CMIP: variants seen among roughly 807,000 people sequenced by gnomAD.
CMIP encodes the protein c-Maf inducing protein.
A neutral mutation model predicts 97.3 loss-of-function variants in CMIP; 13 were observed. The ratio of observed to expected loss-of-function variants is 0.13; its 90% CI spans 0.09 to 0.21. The LOEUF is 0.21. Ranked by LOEUF, CMIP falls within the 10% of genes least tolerant of loss-of-function variation. The pLI is 1.00. For synonymous variants in CMIP, 538 were observed against 436.3 expected, an observed-to-expected ratio of 1.23 and a Z score of -2.91; for missense variants, 847 against 1,024.9, an observed-to-expected ratio of 0.83 and a Z score of 2.37.
intron 14 of CMIP, chr16:81,697,789 C>T (rs1360877723): frequency 2.6e-5 from 4 of 152,286 alleles, no homozygotes; most frequent in African/African-American, 7.2e-5. Flanking sequence ...CCCCTGGGAG[C>T]TTCTTGAAAA....
At chr16:81,471,446 G>T (rs146570878) in intron 1 of CMIP, among the ~76,000 whole-genome samples, 1 of 152,054 alleles carries the variant, frequency 6.6e-6, no homozygotes, top group African/African-American at 2.4e-5. Flanking sequence ...ATTTGTACAT[G>T]CATATGTACA....
chr16:81,484,396 A>G (rs1055188911), intron 1 of CMIP, among the ~76,000 whole-genome samples: 2 of 152,206 alleles, frequency 1.3e-5, no homozygotes, highest in East Asian at 3.9e-4. Flanking sequence ...TGTGGCTGCC[A>G]TGGCAACCCG....
intron 10 of CMIP, among the ~76,000 whole-genome samples, chr16:81,679,027 G>A (rs1418592018): frequency 2.0e-5 from 3 of 152,096 alleles, no homozygotes; most frequent in Non-Finnish European, 4.4e-5. Context: ...TGAGGATCTG[G>A]ATACATCTGC....
intron 1 of CMIP, among the ~76,000 whole-genome samples, chr16:81,576,326 C>A (rs2091188035): frequency 6.6e-6 from 1 of 152,114 alleles, no homozygotes; most frequent in South Asian, 2.1e-4. Context: ...ATCGCTTGAA[C>A]CCGGGAGGCA....
At position 81,705,615 on chromosome 16, in the gene CMIP, C is replaced by G. The variant is rs768353939; in HGVS notation, c.2197+11C>G. On this transcript the variant is annotated intron_variant, in intron 19 of 20. Coordinates refer to ENST00000537098, the MANE Select transcript of CMIP (RefSeq NM_198390.3). The stretch of plus-strand genomic sequence containing the variant: ...TGCTGGCCCTGAGCTGTGAGTGCCT[C>G]CGGGGCAGCTGGGGGGTGAGGGGCC... 5 of 1,568,086 alleles carry G rather than the reference C, an allele frequency of 3.2e-6. No individual in the cohort carries two copies. The Admixed American group carries it at 7.1e-5, about 22-fold the overall frequency.
At chr16:81,662,139 G>A (rs1432502373) in intron 6 of CMIP, among the ~76,000 whole-genome samples, 1 of 150,778 alleles carries the variant, frequency 6.6e-6, no homozygotes, top group Admixed American at 6.6e-5. Context: ...TGAGAGAACG[G>A]CCAGCTGCTC....
intron 3 of CMIP, among the ~76,000 whole-genome samples, chr16:81,642,303 T>A (rs918701392): frequency 1.3e-5 from 2 of 152,178 alleles, no homozygotes; most frequent in African/African-American, 4.8e-5. Context: ...TCTGTATCAT[T>A]TCCCCCACTC....
At chr16:81,661,459 C>T (rs943186741) in intron 6 of CMIP, among the ~76,000 whole-genome samples, 4 of 152,258 alleles carry the variant, frequency 2.6e-5, no homozygotes, top group Non-Finnish European at 2.9e-5. Context: ...CAGGCCGAAC[C>T]ATCACACAAA....
At chr16:81,669,729 ACCT>A (rs1348391736) in intron 7 of CMIP, among the ~76,000 whole-genome samples, 1 of 98,602 alleles carries the variant, frequency 1.0e-5, no homozygotes, top group Non-Finnish European at 2.1e-5. Flanking sequence ...CCTCACACTC[ACCT>A]CCTTCCACAC....
Position 81,627,462 on chromosome 16 carries a change from G to A in CMIP, c.477+6536G>A, listed in dbSNP as rs982932777. Reference sequence around the variant, plus strand: ...ATCATCAGTGTCTCCAAGTGGGTCCGACATGGTGGGAGCAGCTGGCTCGGC... The same window carrying A: ...ATCATCAGTGTCTCCAAGTGGGTCCAACATGGTGGGAGCAGCTGGCTCGGC... On this transcript the variant is annotated intron_variant, in intron 3 of 20. Coordinates refer to ENST00000537098, the MANE Select transcript of CMIP (RefSeq NM_198390.3). The surrounding 1 kb of genome is among the most constrained non-coding windows in gnomAD (Gnocchi z 4.6). Among the ~76,000 whole-genome samples, 4 of 151,244 alleles carry A rather than the reference G, an allele frequency of 2.6e-5. No homozygotes were observed. Among genetic ancestry groups the A allele is most frequent in the African/African-American group, 4.8e-5 (2 of 41,264 alleles).
At chr16:81,519,925 A>G (rs1476221162) in intron 1 of CMIP, 1 of 152,168 alleles carries the variant, frequency 6.6e-6, no homozygotes, top group East Asian at 1.9e-4. Flanking sequence ...ATTTGGGGAC[A>G]AAAGCTGGCA....
intron 1 of CMIP, among the ~76,000 whole-genome samples, chr16:81,574,841 C>CT (rs1336364233): frequency 3.9e-5 from 6 of 152,218 alleles, no homozygotes; most frequent in Non-Finnish European, 5.9e-5. Flanking sequence ...GCAGACCACA[C>CT]TGCAAGATCA....
At chr16:81,573,928 C>G (rs1257913925) in intron 1 of CMIP, among the ~76,000 whole-genome samples, 4 of 152,130 alleles carry the variant, frequency 2.6e-5, no homozygotes, top group Non-Finnish European at 5.9e-5. Flanking sequence ...TTCGTTTCAC[C>G]TACCCTCCAT....
rs16955435 is a variant in CMIP, at chr16:81,486,360, A to G, written c.300+40819A>G. On this transcript the variant is annotated intron_variant, in intron 1 of 20. Transcript: ENST00000537098. Reference sequence around the variant, plus strand: ...CTCAGAGCAGCCCTGGGAGGTAGATATGATCGCGCCCATTTGACAGATGTG... The same window carrying G: ...CTCAGAGCAGCCCTGGGAGGTAGATGTGATCGCGCCCATTTGACAGATGTG... Among the ~76,000 whole-genome samples, 519 of 152,312 alleles carry G rather than the reference A, an allele frequency of 3.4e-3. 2 individuals carry two copies. Among genetic ancestry groups the G allele is most frequent in the African/African-American group, 0.012 (498 of 41,550 alleles).
intron 1 of CMIP, among the ~76,000 whole-genome samples, chr16:81,535,765 C>T (rs1236063024): frequency 6.6e-6 from 1 of 152,094 alleles, no homozygotes; most frequent in African/African-American, 2.4e-5. Flanking sequence ...ACCCACCTTC[C>T]CCTCCCACCA....
intron 1 of CMIP, among the ~76,000 whole-genome samples, chr16:81,445,924 G>A (rs971067772): frequency 2.0e-5 from 3 of 151,506 alleles, no homozygotes; most frequent in African/African-American, 7.3e-5. Context: ...CTGGATCTGA[G>A]GGGTGGGGGA....
intron 1 of CMIP, among the ~76,000 whole-genome samples, chr16:81,599,250 ATT>A (rs2091617723): frequency 6.6e-6 from 1 of 152,036 alleles, no homozygotes; most frequent in Non-Finnish European, 1.5e-5. Context: ...GAGAGGTCAT[ATT>A]ACCTGAGGGA....
chr16:81,461,038 G>T (rs1249699702), intron 1 of CMIP, among the ~76,000 whole-genome samples: 1 of 152,244 alleles, frequency 6.6e-6, no homozygotes. Flanking sequence ...CCAGGTTTGA[G>T]CCCAGATGCG....
At chr16:81,591,416 C>T (rs142014933) in intron 1 of CMIP, among the ~76,000 whole-genome samples, 1,538 of 152,258 alleles carry the variant, frequency 0.01, 28 homozygotes, top group African/African-American at 0.035. Context: ...AGGCGTGTCC[C>T]GGGCTTGTGA....
Sources: allele counts gnomAD v4.1 joint callset (sites outside exome capture counted in the v4.1 genomes callset), GRCh38; gene constraint gnomAD v4.1.1; non-coding constraint Gnocchi (gnomAD v3.1); transcripts MANE v1.5; gene names NCBI Gene and HGNC (gene_info 2026-07-23, HGNC 2026-07-21).